Variants in TPRX2 observed in about 807,000 individuals in gnomAD.
The protein encoded by TPRX2 is tetrapeptide repeat homeobox protein 2.
the TPRX2 span, chr19:47,861,320 C>A: frequency 2.1e-6 from 1 of 479,976 alleles, no homozygotes; most frequent in South Asian, 1.5e-5. Context: ...CCCCAGGCGC[C>A]TTGTGGCCTC....
the TPRX2 span, among the ~76,000 whole-genome samples, chr19:47,859,278 A>G: frequency 0.031 from 4,601 of 150,242 alleles, 171 homozygotes; most frequent in African/African-American, 0.082. Flanking sequence ...CAAGGTGAGC[A>G]GGGACAGAGG....
the TPRX2 span, chr19:47,861,132 C>T: frequency 5.9e-5 from 41 of 699,380 alleles, no homozygotes; most frequent in African/African-American, 2.4e-4. Context: ...TATCCCAGGC[C>T]CAGCCCAGAT....
the TPRX2 span, chr19:47,861,063 G>A: frequency 5.0e-5 from 38 of 759,832 alleles, 1 homozygote; most frequent in African/African-American, 3.4e-4. Context: ...CCCTGAGTGT[G>A]GAACACAGGA....
chr19:47,859,468 C>G, the TPRX2 span, among the ~76,000 whole-genome samples: 16 of 151,006 alleles, frequency 1.1e-4, 2 homozygotes, highest in African/African-American at 4.0e-4. Flanking sequence ...GATCCCAGCT[C>G]TTTGGGAAGC....
chr19:47,859,451 C>T, the TPRX2 span, among the ~76,000 whole-genome samples: 3 of 151,122 alleles, frequency 2.0e-5, no homozygotes, highest in Non-Finnish European at 4.4e-5. Context: ...CAGAGTCTCA[C>T]GCCTGTGATC....
chr19:47,860,892 G>T, the TPRX2 span: 1 of 1,531,826 alleles, frequency 6.5e-7, no homozygotes, highest in South Asian at 1.2e-5. Context: ...AGGCCGAGGA[G>T]CCCGCGCTGC....
At chr19:47,860,961 A>G in the TPRX2 span, 1 of 1,421,152 alleles carries the variant, frequency 7.0e-7, no homozygotes, top group East Asian at 2.5e-5. Context: ...CCCGCAGGGC[A>G]GGGGTTCCTG....
the TPRX2 span, among the ~76,000 whole-genome samples, chr19:47,859,672 C>CA: frequency 6.7e-6 from 1 of 148,982 alleles, no homozygotes. Flanking sequence ...GTGATCACAT[C>CA]ACTGCACTCC....
chr19:47,859,842 A>G, the TPRX2 span, among the ~76,000 whole-genome samples: 4 of 150,610 alleles, frequency 2.7e-5, no homozygotes, highest in African/African-American at 9.7e-5. Flanking sequence ...GCAGCTGGGG[A>G]GGGCTGAGCA....
the TPRX2 span, chr19:47,860,389 G>C: frequency 1.5e-6 from 1 of 648,584 alleles, no homozygotes; most frequent in Admixed American, 2.4e-5. Context: ...GCCCTGCCAC[G>C]CAAGGGGTCC....
the TPRX2 span, chr19:47,860,391 A>G: frequency 1.2e-5 from 8 of 654,342 alleles, no homozygotes; most frequent in East Asian, 2.0e-4. Context: ...CCTGCCACGC[A>G]AGGGGTCCCG....
At chr19:47,860,689 G>A in the TPRX2 span, 4 of 1,266,260 alleles carry the variant, frequency 3.2e-6, no homozygotes, top group African/African-American at 1.5e-5. Context: ...TGGTGGGTGC[G>A]GGGTGGGGGT....
At chr19:47,861,224 A>G in the TPRX2 span, 3 of 579,164 alleles carry the variant, frequency 5.2e-6, no homozygotes, top group South Asian at 4.5e-5. Context: ...GTCCAATACC[A>G]GCCCCCATCT....
At chr19:47,859,928 A>G in the TPRX2 span, among the ~76,000 whole-genome samples, 2 of 149,842 alleles carry the variant, frequency 1.3e-5, no homozygotes, top group Non-Finnish European at 3.0e-5. Flanking sequence ...TATCGCGCCC[A>G]TTTCCTAGAT....
the TPRX2 span, chr19:47,860,723 C>T: frequency 1.4e-6 from 2 of 1,453,618 alleles, no homozygotes; most frequent in African/African-American, 1.4e-5. Context: ...GTTTTGAGGC[C>T]GGCGCCGCCC....
At chr19:47,860,954 G>A in the TPRX2 span, 1 of 1,434,846 alleles carries the variant, frequency 7.0e-7, no homozygotes, top group Non-Finnish European at 9.5e-7. Context: ...CTGAGTTCCC[G>A]CAGGGCAGGG....
At chr19:47,861,005 C>T in the TPRX2 span, 1 of 1,071,924 alleles carries the variant, frequency 9.3e-7, no homozygotes, top group Non-Finnish European at 1.4e-6. Context: ...GGGGAGTCCT[C>T]CCAGCAGCAG....
the TPRX2 span, chr19:47,860,820 C>G: frequency 6.5e-7 from 1 of 1,539,630 alleles, no homozygotes; most frequent in Non-Finnish European, 8.7e-7. Flanking sequence ...CAAGAATCGC[C>G]GCGCCAAACT....
the TPRX2 span, among the ~76,000 whole-genome samples, chr19:47,859,689 G>A: frequency 8.1e-5 from 12 of 148,754 alleles, no homozygotes; most frequent in African/African-American, 1.2e-4. Flanking sequence ...CTCCAGCCTG[G>A]GTGACAGAGC....
Sources: allele counts gnomAD v4.1 joint callset (sites outside exome capture counted in the v4.1 genomes callset), GRCh38; gene constraint gnomAD v4.1.1; transcripts MANE v1.5; gene names NCBI Gene and HGNC (gene_info 2026-07-23, HGNC 2026-07-21).